Variants in RBFOX1 observed in about 807,000 individuals in gnomAD.
RBFOX1 encodes RNA binding protein fox-1 homolog 1.
RBFOX1 carries 8 observed loss-of-function variants against 57.7 expected under a neutral mutation model. That is an observed-to-expected ratio of 0.14 (90% CI 0.08 to 0.25). The LOEUF is 0.25. Ranked by LOEUF, RBFOX1 falls within the 10% of genes least tolerant of loss-of-function variation. RBFOX1 has a pLI of 1.00. For synonymous variants in RBFOX1, 326 were observed against 222.4 expected (o/e 1.47, Z -4.15); for missense variants, 611 against 548.5 (o/e 1.11, Z -1.14).
intron 3 of RBFOX1, among the ~76,000 whole-genome samples, chr16:6,786,343 C>T (rs987127683): frequency 6.6e-6 from 1 of 152,132 alleles, no homozygotes; most frequent in South Asian, 2.1e-4. Flanking sequence ...AATGTACCCC[C>T]ACAATGAGGA....
chr16:7,553,448 T>C (rs1416091981), intron 5 of RBFOX1, among the ~76,000 whole-genome samples: 1 of 152,222 alleles, frequency 6.6e-6, no homozygotes, highest in African/African-American at 2.4e-5. Flanking sequence ...CCCAGCCCAG[T>C]ATCTACAATT....
intron 2 of RBFOX1, among the ~76,000 whole-genome samples, chr16:6,564,491 A>C (rs901026454): frequency 3.1e-4 from 47 of 152,178 alleles, no homozygotes; most frequent in African/African-American, 1.1e-3. Flanking sequence ...AAAATAAACA[A>C]ACAAACACAT....
chr16:7,462,910 A>G (rs2059838579), intron 4 of RBFOX1, among the ~76,000 whole-genome samples: 1 of 152,204 alleles, frequency 6.6e-6, no homozygotes, highest in Admixed American at 6.5e-5. Flanking sequence ...GGCTCATTCC[A>G]TGAGACTGGG....
At chr16:7,263,165 C>T (rs575676084) in intron 4 of RBFOX1, among the ~76,000 whole-genome samples, 2 of 152,292 alleles carry the variant, frequency 1.3e-5, no homozygotes, top group African/African-American at 2.4e-5. Context: ...ATGTGTATTT[C>T]TTCTCTGTTA....
intron 3 of RBFOX1, among the ~76,000 whole-genome samples, chr16:5,709,923 T>C (rs1477065326): frequency 1.4e-5 from 2 of 142,288 alleles, no homozygotes; most frequent in African/African-American, 2.6e-5. Flanking sequence ...TTATGCATTA[T>C]TGCCCTTGGC....
chr16:5,950,256 G>T (rs2059492927), intron 4 of RBFOX1, among the ~76,000 whole-genome samples: 1 of 152,208 alleles, frequency 6.6e-6, no homozygotes, highest in Non-Finnish European at 1.5e-5. Flanking sequence ...AAGCTTTTCT[G>T]CCTGTGGGTG....
At chr16:7,229,512 A>C (rs1442693969) in intron 4 of RBFOX1, among the ~76,000 whole-genome samples, 1 of 148,038 alleles carries the variant, frequency 6.8e-6, no homozygotes, top group African/African-American at 2.5e-5. Flanking sequence ...GAAGGAAGGG[A>C]AAGGAAAGGA....
intron 4 of RBFOX1, among the ~76,000 whole-genome samples, chr16:7,231,299 C>G (rs2093479374): frequency 6.6e-6 from 1 of 152,112 alleles, no homozygotes; most frequent in Admixed American, 6.6e-5. Context: ...TGTGTTTATC[C>G]TTAAACCAAT....
chr16:6,859,908 G>C (rs1330515784), intron 3 of RBFOX1, among the ~76,000 whole-genome samples: 2 of 152,290 alleles, frequency 1.3e-5, no homozygotes, highest in East Asian at 3.9e-4. Flanking sequence ...AAGTGTTATT[G>C]ATGAGGGCTG....
At chr16:6,306,826 C>T (rs1028130545) in intron 1 of RBFOX1, among the ~76,000 whole-genome samples, 1 of 152,108 alleles carries the variant, frequency 6.6e-6, no homozygotes, top group East Asian at 1.9e-4. Context: ...CACTCAGTAC[C>T]TCTAAGGAAA....
intron 4 of RBFOX1, among the ~76,000 whole-genome samples, chr16:7,197,440 G>GAAAAAAAAAAAAAAAAAAAAAAA (rs57893229): frequency 2.2e-5 from 2 of 91,324 alleles, no homozygotes; most frequent in African/African-American, 4.3e-5. Flanking sequence ...CCTGTGAGTG[G>GAAAAAAAAAAAAAAAAAAAAAAA]AAAAAAAAAA....
At chr16:7,040,204 AG>A (rs2045729584) in intron 3 of RBFOX1, among the ~76,000 whole-genome samples, 2 of 151,906 alleles carry the variant, frequency 1.3e-5, no homozygotes, top group Non-Finnish European at 2.9e-5. Flanking sequence ...TATTTTTAGT[AG>A]AGACGGGGTT....
chr16:6,948,560 T>G (rs927257782), intron 3 of RBFOX1, among the ~76,000 whole-genome samples: 2 of 151,772 alleles, frequency 1.3e-5, no homozygotes, highest in Non-Finnish European at 2.9e-5. Context: ...TTTTTGATTT[T>G]TAGTAGAGAC....
intron 14 of RBFOX1, among the ~76,000 whole-genome samples, chr16:7,700,001 T>G (rs1197153960): frequency 6.6e-6 from 1 of 152,012 alleles, no homozygotes; most frequent in African/African-American, 2.4e-5. Context: ...TGGTGCTAGG[T>G]GGGTGTGTTG....
chr16:6,092,310 G>A (rs1339101319), intron 1 of RBFOX1: 1 of 152,240 alleles, frequency 6.6e-6, no homozygotes, highest in Non-Finnish European at 1.5e-5. Flanking sequence ...CCACCCTGAG[G>A]ATGGTGAAAC....
At chr16:6,665,929 C>T (rs931554097) in intron 3 of RBFOX1, among the ~76,000 whole-genome samples, 2 of 152,076 alleles carry the variant, frequency 1.3e-5, no homozygotes, top group Non-Finnish European at 1.5e-5. Context: ...TCCCATAATT[C>T]CCACATGTTG....
intron 4 of RBFOX1, among the ~76,000 whole-genome samples, chr16:7,404,601 A>G (rs189029038): frequency 1.3e-5 from 2 of 152,342 alleles, no homozygotes; most frequent in Non-Finnish European, 2.9e-5. Flanking sequence ...CTGAGTGACC[A>G]GTACCTACAC....
chr16:6,626,361 G>A (rs2098307136), intron 2 of RBFOX1, among the ~76,000 whole-genome samples: 1 of 152,100 alleles, frequency 6.6e-6, no homozygotes. Flanking sequence ...GGTGTTGCAG[G>A]ACCTGGGAGC....
intron 4 of RBFOX1, among the ~76,000 whole-genome samples, chr16:7,253,721 G>T (rs888245331): frequency 6.6e-6 from 1 of 152,074 alleles, no homozygotes; most frequent in Admixed American, 6.6e-5. Flanking sequence ...TCACCACATA[G>T]TATTCTGTGT....
Sources: allele counts gnomAD v4.1 joint callset (sites outside exome capture counted in the v4.1 genomes callset), GRCh38; gene constraint gnomAD v4.1.1; transcripts MANE v1.5; gene names NCBI Gene and HGNC (gene_info 2026-07-23, HGNC 2026-07-21).